The following TMEM38B variants were observed in gnomAD, a reference collection of about 807,000 sequenced individuals.
TMEM38B encodes the protein trimeric intracellular cation channel type B.
A neutral mutation model predicts 28.7 loss-of-function variants in TMEM38B; 24 were observed. The ratio of observed to expected loss-of-function variants is 0.84; its 90% CI spans 0.61 to 1.18. TMEM38B has a LOEUF of 1.18. TMEM38B is among the 50% of genes most tolerant of loss of function. TMEM38B has a pLI of 0.00. For missense variants in TMEM38B, 380 were observed against 350.9 expected (o/e 1.08, Z -0.66); for synonymous variants, 131 against 127.7 (o/e 1.03, Z -0.17).
chr9:105,696,618 G>A (rs1366880744), intron 1 of TMEM38B, among the ~76,000 whole-genome samples: 5 of 152,344 alleles, frequency 3.3e-5, no homozygotes, highest in African/African-American at 1.2e-4. Context: ...AAAGGCTGAG[G>A]AAGCTGAGAG....
At chr9:105,766,397 A>T (rs960185936) in intron 5 of TMEM38B, among the ~76,000 whole-genome samples, 1 of 152,148 alleles carries the variant, frequency 6.6e-6, no homozygotes, top group African/African-American at 2.4e-5. Flanking sequence ...TTTACTGGCC[A>T]CTCACATGTG....
chr9:105,765,735 T>G (rs1261480436), intron 5 of TMEM38B, among the ~76,000 whole-genome samples: 2 of 152,220 alleles, frequency 1.3e-5, no homozygotes, highest in Non-Finnish European at 2.9e-5. Flanking sequence ...AATAAGGTTG[T>G]TATAAATAAA....
In TMEM38B at chr9:105,763,552, T is replaced by C. The variant is rs1208191850; in HGVS notation, c.661-10313T>C. The stretch of plus-strand genomic sequence containing the variant: ...ACCAGGAAGAAGTTGAATCTCTGAA[T>C]AGACAATAACAGGAGCTGAAATTGT... On this transcript the variant is annotated intron_variant, in intron 5 of 5. Transcript: ENST00000374692. Among the ~76,000 whole-genome samples the C allele has an allele frequency of 3.3e-5, 5 of 152,134 alleles. No individual in the cohort carries two copies. The East Asian group carries it at 5.8e-4, about 18-fold the overall frequency.
At chr9:105,760,851 T>C (rs1217779312) in intron 5 of TMEM38B, 31 of 612,550 alleles carry the variant, frequency 5.1e-5, no homozygotes, top group Middle Eastern at 4.3e-4. Flanking sequence ...ATTAATAAGG[T>C]ATTTCTAAAT....
intron 4 of TMEM38B, among the ~76,000 whole-genome samples, chr9:105,746,016 A>G (rs1203503127): frequency 6.6e-6 from 1 of 152,176 alleles, no homozygotes; most frequent in Non-Finnish European, 1.5e-5. Context: ...AGGTAGCATG[A>G]TGCCTCCAGC....
chr9:105,761,503 T>C (rs949980804), intron 5 of TMEM38B, among the ~76,000 whole-genome samples: 3 of 152,308 alleles, frequency 2.0e-5, no homozygotes, highest in African/African-American at 4.8e-5. Context: ...GTTCCAGATA[T>C]GCGGAGACAG....
chr9:105,702,111 G>C (rs935358702), intron 1 of TMEM38B, among the ~76,000 whole-genome samples: 5 of 152,096 alleles, frequency 3.3e-5, no homozygotes, highest in African/African-American at 1.2e-4. Flanking sequence ...AAAACTCCTT[G>C]AATTGTGTCA....
Position 105,705,621 on chromosome 9 carries a change from A to G in TMEM38B, c.137A>G (p.Asn46Ser). Residue 46 changes from asparagine to serine, a missense_variant, in exon 2 of 6, where the codon AAT (asparagine) becomes AGT (serine). By Grantham distance (46) the Asn-to-Ser change is conservative. Coordinates refer to ENST00000374692, the MANE Select transcript of TMEM38B (RefSeq NM_018112.3). ...GGAGCAGCTGCATTGGCATGGAAGAATCCTATTTCAAGCTGGTTTACTGCT... is the reference window on the plus strand; with the variant it reads ...GGAGCAGCTGCATTGGCATGGAAGAGTCCTATTTCAAGCTGGTTTACTGCT... ...QPGAAALAWK[N>S]PISSWFTAML... 3 of 1,613,956 alleles carry G rather than the reference A, an allele frequency of 1.9e-6. No homozygotes were observed. The highest frequency in any genetic ancestry group is 2.5e-6 in the Non-Finnish European group (3 of 1,179,938).
intron 5 of TMEM38B, among the ~76,000 whole-genome samples, chr9:105,769,793 T>C (rs1826488782): frequency 6.6e-6 from 1 of 152,200 alleles, no homozygotes; most frequent in Non-Finnish European, 1.5e-5. Flanking sequence ...TTTATTGCAA[T>C]TTATAAGCTA....
At chr9:105,724,828 T>C (rs1836448997) in intron 4 of TMEM38B, among the ~76,000 whole-genome samples, 1 of 152,200 alleles carries the variant, frequency 6.6e-6, no homozygotes, top group African/African-American at 2.4e-5. Context: ...TTTCTCATTT[T>C]GAGTATATGC....
At chr9:105,704,032 T>A (rs1381591968) in intron 1 of TMEM38B, among the ~76,000 whole-genome samples, 1 of 137,234 alleles carries the variant, frequency 7.3e-6, no homozygotes, top group African/African-American at 2.8e-5. Context: ...AATTGAACAA[T>A]GAGATCACAT....
intron 2 of TMEM38B, among the ~76,000 whole-genome samples, chr9:105,711,180 C>T (rs550409294): frequency 3.9e-5 from 6 of 152,258 alleles, no homozygotes; most frequent in South Asian, 2.1e-4. Flanking sequence ...GTAGCTCAGG[C>T]GTGTAATCCC....
rs533698972 is a variant in TMEM38B, at chr9:105,749,707, A to T, written c.660+1517A>T. The stretch of plus-strand genomic sequence containing the variant: ...CAAAAAGAAACATCGTATTCTTTAG[A>T]AGTCATTTCACATTTTCCCCAATAC... On this transcript the variant is annotated intron_variant, in intron 5 of 5. Transcript: ENST00000374692. Among the ~76,000 whole-genome samples, 302 of 152,354 alleles carry T rather than the reference A, an allele frequency of 2.0e-3. 1 individual carries two copies. Among genetic ancestry groups the T allele is most frequent in the Middle Eastern group, 6.8e-3 (2 of 294 alleles).
rs577649918 is a variant in TMEM38B, at chr9:105,751,943, G to T, written c.660+3753G>T. Reference sequence around the variant, plus strand: ...GGTTCTATTGGGACGTAGCTCTCAGGGGGAGGAGTGGCCGCCATTTTTGTG... The same window carrying T: ...GGTTCTATTGGGACGTAGCTCTCAGTGGGAGGAGTGGCCGCCATTTTTGTG... On this transcript the variant is annotated intron_variant, in intron 5 of 5. Transcript: ENST00000374692. Among the ~76,000 whole-genome samples the T allele has an allele frequency of 9.3e-4, 142 of 152,292 alleles. 1 individual carries two copies. The highest frequency in any genetic ancestry group is 3.3e-3 in the African/African-American group (138 of 41,572).
At chr9:105,711,045 G>A (rs564870240) in intron 2 of TMEM38B, among the ~76,000 whole-genome samples, 1 of 152,300 alleles carries the variant, frequency 6.6e-6, no homozygotes, top group East Asian at 1.9e-4. Context: ...GTTACAAAAA[G>A]TATTTATAAA....
chr9:105,749,056 A>G (rs545981711), intron 5 of TMEM38B: 2 of 1,302,280 alleles, frequency 1.5e-6, no homozygotes, highest in African/African-American at 1.5e-5. Context: ...TGTGTGAATC[A>G]TTTATTTTTG....
chr9:105,764,839 AGGCT>A lies in TMEM38B; in HGVS notation c.661-9025_661-9022del, dbSNP rs535342155. Among the ~76,000 whole-genome samples the A allele has an allele frequency of 9.4e-4, 143 of 151,928 alleles. 2 individuals are homozygous for A. Among genetic ancestry groups the A allele is most frequent in the African/African-American group, 3.4e-3 (140 of 41,418 alleles). On this transcript the variant is annotated intron_variant, in intron 5 of 5. Transcript: ENST00000374692. ...CTACCTGACTTCAAACTATACTACA[AGGCT>A]ACAGTAACCAAAACAGCATGATACT...
At chr9:105,747,401 T>A (rs1837451663) in intron 4 of TMEM38B, among the ~76,000 whole-genome samples, 1 of 152,202 alleles carries the variant, frequency 6.6e-6, no homozygotes, top group Non-Finnish European at 1.5e-5. Flanking sequence ...TAGTTTGTAT[T>A]TCTGTGGGAT....
intron 5 of TMEM38B, among the ~76,000 whole-genome samples, chr9:105,773,192 CTG>C (rs1298149776): frequency 6.6e-6 from 1 of 152,278 alleles, no homozygotes; most frequent in East Asian, 1.9e-4. Context: ...TCTGTGAACA[CTG>C]TGCATTTTGC....
Sources: gnomAD v4.1 joint callset for allele counts (sites outside exome capture counted in the v4.1 genomes callset) on GRCh38, gnomAD v4.1.1 for gene constraint, MANE v1.5 for transcripts, NCBI Gene and HGNC (gene_info 2026-07-23, HGNC 2026-07-21) for gene names.